The following PCDHGB4 variants were observed in gnomAD, a reference collection of about 807,000 sequenced individuals.
PCDHGB4 encodes protocadherin gamma-B4.
A neutral mutation model predicts 60.5 loss-of-function variants in PCDHGB4; 38 were observed. That is an observed-to-expected ratio of 0.63 (90% CI 0.48 to 0.82). The LOEUF is 0.82. Among genes scored for constraint, PCDHGB4 ranks in the 40% least tolerant of loss-of-function variants. The pLI is 0.00. For missense variants in PCDHGB4, 1,109 were observed against 1,209.6 expected (o/e 0.92, Z 1.23); for synonymous variants, 456 against 509.7 (o/e 0.89, Z 1.42).
rs1340974686 is a variant in PCDHGB4, at chr5:141,477,604, C to T, written c.2398-17203C>T. The T allele has an allele frequency of 6.2e-7, 1 of 1,614,084 alleles. No individual in the cohort carries two copies. Among genetic ancestry groups the T allele is most frequent in the Non-Finnish European group, 8.5e-7 (1 of 1,180,054 alleles). ...AGAATGCTCGGCTTTCTTTCTTTCT[C>T]TTGGAGCAAGGAGCTGAAACCGGGC... On this transcript the variant is annotated intron_variant, in intron 1 of 3. Coordinates refer to ENST00000519479, the MANE Select transcript of PCDHGB4 (RefSeq NM_003736.4). The surrounding 1 kb of genome is among the most constrained non-coding windows in gnomAD (Gnocchi z 4.9).
At chr5:141,472,017 T>C (rs2154571143) in intron 1 of PCDHGB4, among the ~76,000 whole-genome samples, 1 of 152,290 alleles carries the variant, frequency 6.6e-6, no homozygotes, top group South Asian at 2.1e-4. Context: ...GGGCACTATA[T>C]TGTATGTAGA....
chr5:141,427,915 T>C lies in PCDHGB4; in HGVS notation c.2397+37634T>C, dbSNP rs779333176. ...GGCTCGCCCGCGCTCAGCGCCAACATGAGCCGGCGCATGTTGGTGGGCGAC... is the reference window on the plus strand; with the variant it reads ...GGCTCGCCCGCGCTCAGCGCCAACACGAGCCGGCGCATGTTGGTGGGCGAC... On this transcript the variant is annotated intron_variant, in intron 1 of 3. Transcript: ENST00000519479. The C allele has an allele frequency of 7.0e-6, 11 of 1,578,094 alleles. No individual in the cohort carries two copies. In the Admixed American group the frequency reaches 8.4e-5, roughly 12 times the overall value.
At chr5:141,421,303 G>C in intron 1 of PCDHGB4, 1 of 1,613,660 alleles carries the variant, frequency 6.2e-7, no homozygotes, top group Non-Finnish European at 8.5e-7. Context: ...GACGCTGCGG[G>C]GGTTCCGGGC....
At chr5:141,427,963 T>C (rs1289642441) in intron 1 of PCDHGB4, 1 of 1,589,380 alleles carries the variant, frequency 6.3e-7, no homozygotes, top group East Asian at 2.2e-5. Flanking sequence ...GTGCCGCGGG[T>C]GCTGTACCCC....
intron 1 of PCDHGB4, chr5:141,410,448 C>T: frequency 6.2e-7 from 1 of 1,614,006 alleles, no homozygotes; most frequent in Non-Finnish European, 8.5e-7. Context: ...GGGACTTTGC[C>T]TTATTCTTAT....
At chr5:141,438,290 A>G (rs1043285243) in intron 1 of PCDHGB4, among the ~76,000 whole-genome samples, 5 of 152,074 alleles carry the variant, frequency 3.3e-5, no homozygotes, top group East Asian at 3.9e-4. Flanking sequence ...TTTAATCTGT[A>G]TGTAAAAGAA....
chr5:141,455,759 A>G (rs1013283124), intron 1 of PCDHGB4, among the ~76,000 whole-genome samples: 4 of 152,300 alleles, frequency 2.6e-5, no homozygotes, highest in South Asian at 4.1e-4. Context: ...CCTGGCTCCT[A>G]GAGCCGGGGC....
At chr5:141,421,705 G>C (rs1249601582) in intron 1 of PCDHGB4, 1 of 1,613,944 alleles carries the variant, frequency 6.2e-7, no homozygotes, top group Non-Finnish European at 8.5e-7. Context: ...TAATGCTAGG[G>C]ATCCAGATGT....
chr5:141,493,021 G>C lies in PCDHGB4; in HGVS notation c.2398-1786G>C, dbSNP rs1261539371. On this transcript the variant is annotated intron_variant, in intron 1 of 3. Transcript: ENST00000519479. This position sits in a 1 kb window ranked among gnomAD's most constrained non-coding sequence, Gnocchi z 4.3. ...AGCTATAGGCTCTGCCAGATGCCAG[G>C]GTGCCCTTATGTGTGAGGAAACTAC... Among the ~76,000 whole-genome samples, 1 of 152,180 alleles carries C rather than the reference G, an allele frequency of 6.6e-6. No individual in the cohort carries two copies. The highest frequency in any genetic ancestry group is 6.5e-5 in the Admixed American group (1 of 15,284).
At chr5:141,504,785 G>A (rs1439244687) in intron 2 of PCDHGB4, among the ~76,000 whole-genome samples, 1 of 151,964 alleles carries the variant, frequency 6.6e-6, no homozygotes, top group East Asian at 1.9e-4. Context: ...GTCTCTTGGG[G>A]CCTCCTACAT....
At position 141,486,092 on chromosome 5, in the gene PCDHGB4, C is replaced by T. The variant is rs2099624294; in HGVS notation, c.2398-8715C>T. The T allele has an allele frequency of 3.7e-6, 6 of 1,614,148 alleles. No homozygotes were observed. In the East Asian group the frequency reaches 1.3e-4, roughly 36 times the overall value. On this transcript the variant is annotated intron_variant, in intron 1 of 3. Coordinates refer to ENST00000519479, the MANE Select transcript of PCDHGB4 (RefSeq NM_003736.4). This position sits in a 1 kb window ranked among gnomAD's most constrained non-coding sequence, Gnocchi z 5.0. Reference sequence around the variant, plus strand: ...TACTGGAAAGCTTACTCTTTTGGGGCCCCTAGACTTTGAGAGTGAGAATTA... The same window carrying T: ...TACTGGAAAGCTTACTCTTTTGGGGTCCCTAGACTTTGAGAGTGAGAATTA...
At chr5:141,448,058 C>G (rs2098560499) in intron 1 of PCDHGB4, among the ~76,000 whole-genome samples, 2 of 151,936 alleles carry the variant, frequency 1.3e-5, no homozygotes, top group Non-Finnish European at 2.9e-5. Flanking sequence ...TGCTCTCCAG[C>G]CTGGGCAACA....
intron 1 of PCDHGB4, among the ~76,000 whole-genome samples, chr5:141,482,089 CA>C (rs36035257): frequency 0.43 from 58,297 of 134,322 alleles, 12,050 homozygotes; most frequent in African/African-American, 0.53. Context: ...CACTCCATCT[CA>C]AAAAAAAAAA....
chr5:141,427,840 A>G (rs779622800), intron 1 of PCDHGB4: 1 of 1,548,180 alleles, frequency 6.5e-7, no homozygotes, highest in Non-Finnish European at 8.8e-7. Flanking sequence ...CGTGCCTTCG[A>G]CCACGAGCAG....
chr5:141,478,045 T>A, intron 1 of PCDHGB4: 1 of 1,614,144 alleles, frequency 6.2e-7, no homozygotes, highest in Non-Finnish European at 8.5e-7. Context: ...CCAGGCAGAC[T>A]CTCACGGTCT....
rs1226558966 is a variant in PCDHGB4, at chr5:141,432,589, G to C, written c.2397+42308G>C. The C allele has an allele frequency of 6.2e-7, 1 of 1,613,916 alleles. No homozygotes were observed. The highest frequency in any genetic ancestry group is 8.5e-7 in the Non-Finnish European group (1 of 1,179,974). The stretch of plus-strand genomic sequence containing the variant: ...CCTGGCTGTCCTACCGTCTGCTCAA[G>C]GCCAGCGAGCCGGGACTCTTCTCGG... On this transcript the variant is annotated intron_variant, in intron 1 of 3. Coordinates refer to ENST00000519479, the MANE Select transcript of PCDHGB4 (RefSeq NM_003736.4). The surrounding 1 kb of genome is among the most constrained non-coding windows in gnomAD (Gnocchi z 6.0).
intron 1 of PCDHGB4, among the ~76,000 whole-genome samples, chr5:141,454,250 C>T (rs1453631901): frequency 6.6e-6 from 1 of 151,974 alleles, no homozygotes; most frequent in African/African-American, 2.4e-5. Context: ...TGAAGATGTC[C>T]CAGAGAAAGT....
At position 141,414,543 on chromosome 5, in the gene PCDHGB4, C is replaced by T. The variant is rs369387885; in HGVS notation, c.2397+24262C>T. The T allele has an allele frequency of 5.0e-6, 8 of 1,613,880 alleles. No individual in the cohort carries two copies. The African/African-American group carries it at 1.1e-4, about 22-fold the overall frequency. ...ATATCAATGACAACCCACCTACCTT[C>T]TCTCAAGTCTCCTACTTTACCTATA... On this transcript the variant is annotated intron_variant, in intron 1 of 3. Transcript: ENST00000519479.
At chr5:141,508,815 C>T (rs1190983144) in intron 3 of PCDHGB4, among the ~76,000 whole-genome samples, 1 of 152,138 alleles carries the variant, frequency 6.6e-6, no homozygotes, top group East Asian at 1.9e-4. Context: ...TCTTTGAAGC[C>T]AGATCTGGGC....
Sources: gnomAD v4.1 joint callset for allele counts (sites outside exome capture counted in the v4.1 genomes callset) on GRCh38, gnomAD v4.1.1 for gene constraint, Gnocchi (gnomAD v3.1) non-coding constraint, MANE v1.5 for transcripts, NCBI Gene and HGNC (gene_info 2026-07-23, HGNC 2026-07-21) for gene names.